The following SPOCK3 variants were observed in gnomAD, a reference collection of about 807,000 sequenced individuals.
SPOCK3 encodes the protein SPARC (osteonectin), cwcv and kazal like domains proteoglycan 3.
In SPOCK3, 30 loss-of-function variants were observed where a neutral mutation model predicts 56.6. That is an observed-to-expected ratio of 0.53 (90% confidence interval 0.40 to 0.72). SPOCK3 has a LOEUF of 0.72. Ranked by LOEUF, SPOCK3 falls within the 30% of genes least tolerant of loss-of-function variation. SPOCK3 has a pLI of 0.00. For missense variants in SPOCK3, 527 were observed against 530.0 expected, an observed-to-expected ratio of 0.99 and a Z score of 0.06; for synonymous variants, 196 against 183.3, an observed-to-expected ratio of 1.07 and a Z score of -0.56.
chr4:167,089,970 T>A (rs964654317), intron 2 of SPOCK3, among the ~76,000 whole-genome samples: 2 of 147,820 alleles, frequency 1.4e-5, no homozygotes, highest in African/African-American at 2.5e-5. Context: ...GGTTTTTTTT[T>A]ATTGCTGAGT....
chr4:166,959,662 A>G (rs535202366), intron 4 of SPOCK3, among the ~76,000 whole-genome samples: 3 of 152,206 alleles, frequency 2.0e-5, no homozygotes, highest in South Asian at 4.1e-4. Context: ...GAAAGGTAAG[A>G]GAGAAACACA....
chr4:166,804,129 G>A (rs1432386042), intron 6 of SPOCK3, among the ~76,000 whole-genome samples: 1 of 152,166 alleles, frequency 6.6e-6, no homozygotes, highest in East Asian at 1.9e-4. Context: ...CTTAGGAGTA[G>A]TAGTAAGGTT....
At chr4:167,119,883 C>T in intron 2 of SPOCK3, 4 of 1,488,162 alleles carry the variant, frequency 2.7e-6, no homozygotes, top group Non-Finnish European at 3.6e-6. Context: ...TACTAATGCC[C>T]CAAAGGTTTC....
At chr4:167,116,434 TAATA>T (rs1304655680) in intron 2 of SPOCK3, among the ~76,000 whole-genome samples, 3 of 146,074 alleles carry the variant, frequency 2.1e-5, no homozygotes, top group Non-Finnish European at 4.5e-5. Flanking sequence ...TACACTTTTG[TAATA>T]TATATATACA....
At position 166,889,304 on chromosome 4, in the gene SPOCK3, A is replaced by G. The variant is rs1310961381; in HGVS notation, c.475-60T>C. 3.8e-6 allele frequency: 4 copies of G among 1,046,672 alleles called. No individual in the cohort carries two copies. In the East Asian group the frequency reaches 9.7e-5, roughly 25 times the overall value. 64.8% of individuals were successfully genotyped at this position (1,046,672 alleles called of 1,614,324 possible). Reference sequence around the variant, plus strand: ...GCTTTAGTTATATCAGTAAAACTCAAGAAATTTTTAGAAAGAAAGGTAATT... The same window carrying G: ...GCTTTAGTTATATCAGTAAAACTCAGGAAATTTTTAGAAAGAAAGGTAATT... On this transcript the variant is annotated intron_variant, in intron 5 of 10. Transcript: ENST00000357545.
At chr4:167,021,446 T>C (rs1399383793) in intron 3 of SPOCK3, among the ~76,000 whole-genome samples, 1 of 151,990 alleles carries the variant, frequency 6.6e-6, no homozygotes, top group African/African-American at 2.4e-5. Context: ...ATATAAACAG[T>C]GATGTGTGAC....
chr4:167,036,796 T>A (rs1318417944), intron 3 of SPOCK3, among the ~76,000 whole-genome samples: 1 of 152,174 alleles, frequency 6.6e-6, no homozygotes, highest in African/African-American at 2.4e-5. Context: ...ATGGTTTATT[T>A]TTTTTTAATA....
intron 2 of SPOCK3, among the ~76,000 whole-genome samples, chr4:167,223,457 A>G (rs958523859): frequency 1.1e-4 from 16 of 151,284 alleles, no homozygotes; most frequent in African/African-American, 3.9e-4. Flanking sequence ...CCTAGCATAT[A>G]ACACAGACCC....
intron 6 of SPOCK3, among the ~76,000 whole-genome samples, chr4:166,883,931 A>G (rs142835103): frequency 3.3e-5 from 5 of 152,348 alleles, no homozygotes; most frequent in African/African-American, 1.2e-4. Flanking sequence ...GTAGTTCACT[A>G]TTATCTTTCC....
intron 3 of SPOCK3, among the ~76,000 whole-genome samples, chr4:167,056,585 A>G (rs564517655): frequency 1.7e-3 from 252 of 152,124 alleles, no homozygotes; most frequent in African/African-American, 5.1e-3. Context: ...ACAGAGAAGT[A>G]CTTAAAGGAG....
chr4:166,829,143 C>T (rs541377659), intron 6 of SPOCK3, among the ~76,000 whole-genome samples: 1 of 152,040 alleles, frequency 6.6e-6, no homozygotes, highest in South Asian at 2.1e-4. Flanking sequence ...CAAGCACAAA[C>T]ACAGACATAG....
chr4:166,960,241 A>G (rs773332203), intron 4 of SPOCK3, among the ~76,000 whole-genome samples: 22 of 152,176 alleles, frequency 1.4e-4, no homozygotes, highest in Non-Finnish European at 2.5e-4. Flanking sequence ...GCAGGCTGAT[A>G]TGGAGAATGC....
At chr4:166,893,292 G>A (rs1330253602) in intron 5 of SPOCK3, among the ~76,000 whole-genome samples, 1 of 152,024 alleles carries the variant, frequency 6.6e-6, no homozygotes, top group East Asian at 1.9e-4. Flanking sequence ...TTTCCCTTAG[G>A]AATTTTTTCT....
chr4:167,175,020 C>T (rs1178478800), intron 2 of SPOCK3, among the ~76,000 whole-genome samples: 1 of 152,086 alleles, frequency 6.6e-6, no homozygotes, highest in Non-Finnish European at 1.5e-5. Flanking sequence ...ACAGCTGCCA[C>T]GTGCTATGTT....
At chr4:167,218,342 T>G (rs1319443089) in intron 2 of SPOCK3, among the ~76,000 whole-genome samples, 3 of 152,172 alleles carry the variant, frequency 2.0e-5, no homozygotes, top group Non-Finnish European at 2.9e-5. Flanking sequence ...GAGTAGCAAC[T>G]AGCACCAGGG....
rs913442147 is a variant in SPOCK3 at position 167,090,664 on chromosome 4, C to T, written c.190-28127G>A. On this transcript the variant is annotated intron_variant, in intron 2 of 10. Transcript: ENST00000357545. ...GATTACAGGCATGCACCACCATGCC[C>T]AGCTAATTTTGTATTTTTAGTAGAG... Among the ~76,000 whole-genome samples, 4 of 152,048 alleles carry T rather than the reference C, an allele frequency of 2.6e-5. No individual in the cohort carries two copies. In the East Asian group the frequency reaches 7.8e-4, roughly 30 times the overall value.
chr4:167,093,049 T>C (rs1758840758), intron 2 of SPOCK3, among the ~76,000 whole-genome samples: 2 of 152,194 alleles, frequency 1.3e-5, no homozygotes. Flanking sequence ...TGGTTAATTT[T>C]AATTCTTTTC....
intron 4 of SPOCK3, among the ~76,000 whole-genome samples, chr4:166,946,606 AC>A (rs2150026285): frequency 6.6e-6 from 1 of 152,220 alleles, no homozygotes; most frequent in East Asian, 1.9e-4. Flanking sequence ...GCTTTCCCTG[AC>A]CATCATCCTC....
chr4:166,753,959 C>T, intron 8 of SPOCK3: 2 of 328,176 alleles, frequency 6.1e-6, no homozygotes, highest in Non-Finnish European at 8.7e-6. Flanking sequence ...ACCTCACCTC[C>T]TCCTTAGTAT....
Sources: allele counts gnomAD v4.1 joint callset (sites outside exome capture counted in the v4.1 genomes callset), GRCh38; gene constraint gnomAD v4.1.1; transcripts MANE v1.5; gene names NCBI Gene and HGNC (gene_info 2026-07-23, HGNC 2026-07-21).